ABCC1: variants seen among roughly 807,000 people sequenced by gnomAD.
The protein encoded by ABCC1 is multidrug resistance-associated protein 1.
ABCC1 carries 83 observed loss-of-function variants against 172.9 expected under a neutral mutation model. That is an observed-to-expected ratio of 0.48 (90% CI 0.40 to 0.58). The LOEUF (loss-of-function observed/expected upper bound fraction) is 0.58, where lower values mean the gene tolerates loss of function less well. ABCC1 is among the 20% of genes least tolerant of loss of function. The probability of loss-of-function intolerance (pLI) is 0.00; values close to 1 mark genes in which losing one functional copy is unlikely to be tolerated. For missense variants in ABCC1, 1,817 were observed against 2,002.7 expected (o/e 0.91, Z 1.77); for synonymous variants, 937 against 825.2 (o/e 1.14, Z -2.32).
intron 14 of ABCC1, among the ~76,000 whole-genome samples, chr16:16,075,054 C>T (rs1055590151): frequency 1.9e-4 from 28 of 150,876 alleles, no homozygotes; most frequent in South Asian, 6.3e-4. Flanking sequence ...AAGCGATTCT[C>T]ATGTCTCAGA....
intron 21 of ABCC1, 37 bp from the exon 22 acceptor site, chr16:16,111,338 G>T: frequency 6.3e-7 from 1 of 1,588,288 alleles, no homozygotes; most frequent in Non-Finnish European, 8.6e-7. Context: ...CTGGGTGCGT[G>T]CATGTGCTAA....
At chr16:16,095,217 G>C (rs1431365044) in intron 19 of ABCC1, 1 of 152,242 alleles carries the variant, frequency 6.6e-6, no homozygotes, top group Non-Finnish European at 1.5e-5. Flanking sequence ...CATTTTCACA[G>C]ATTGCCTCAA....
At chr16:15,980,273 G>C (rs1172965586) in intron 1 of ABCC1, among the ~76,000 whole-genome samples, 6 of 152,134 alleles carry the variant, frequency 3.9e-5, no homozygotes, top group Non-Finnish European at 8.8e-5. Context: ...GAGAGGCCAA[G>C]GTGGGAAGAT....
intron 1 of ABCC1, among the ~76,000 whole-genome samples, chr16:15,999,770 T>TCG (rs1491365853): frequency 1.5e-4 from 2 of 13,668 alleles, no homozygotes; most frequent in Non-Finnish European, 2.3e-4. Context: ...CCGGCCTCTT[T>TCG]CTCTCTCTCT....
intron 1 of ABCC1, among the ~76,000 whole-genome samples, chr16:15,957,454 A>G (rs1263517150): frequency 1.3e-5 from 2 of 152,070 alleles, no homozygotes; most frequent in Non-Finnish European, 2.9e-5. Context: ...CCCAGGACTC[A>G]GTGTCTCACA....
intron 1 of ABCC1, among the ~76,000 whole-genome samples, chr16:15,978,739 T>A (rs1304107810): frequency 6.6e-6 from 1 of 152,106 alleles, no homozygotes; most frequent in Admixed American, 6.6e-5. Flanking sequence ...GAAAAAAATA[T>A]TAAGGCAGTG....
At chr16:16,080,990 G>A (rs2050785119) in intron 16 of ABCC1, among the ~76,000 whole-genome samples, 2 of 152,060 alleles carry the variant, frequency 1.3e-5, no homozygotes, top group Non-Finnish European at 2.9e-5. Context: ...TCAGCCTCTT[G>A]AGTAGCTGGG....
At chr16:15,996,842 G>A (rs1159071069) in intron 1 of ABCC1, among the ~76,000 whole-genome samples, 1 of 152,176 alleles carries the variant, frequency 6.6e-6, no homozygotes, top group Non-Finnish European at 1.5e-5. Context: ...CCAGGATCTT[G>A]TATGGGAAGA....
In ABCC1 at chr16:15,961,276, G is replaced by A. The variant is rs551307241; in HGVS notation, c.48+11477G>A. Among the ~76,000 whole-genome samples the A allele has an allele frequency of 9.8e-4, 149 of 152,214 alleles. 1 individual carries two copies. Among genetic ancestry groups the A allele is most frequent in the Non-Finnish European group, 1.4e-3 (92 of 68,012 alleles). On this transcript the variant is annotated intron_variant, in intron 1 of 30. Transcript: ENST00000399410. Reference sequence around the variant, plus strand: ...ACTCCCCAGTTGCCTTTGATTCTCCGCCAAAGGCTTGTTCGTAAGATGATG... The same window carrying A: ...ACTCCCCAGTTGCCTTTGATTCTCCACCAAAGGCTTGTTCGTAAGATGATG...
At chr16:16,001,742 A>G (rs1342237029) in intron 1 of ABCC1, among the ~76,000 whole-genome samples, 1 of 152,218 alleles carries the variant, frequency 6.6e-6, no homozygotes, top group Non-Finnish European at 1.5e-5. Flanking sequence ...CAGAGGTCGG[A>G]AACTTGTTAT....
At chr16:15,955,951 T>A (rs1157427034) in intron 1 of ABCC1, among the ~76,000 whole-genome samples, 2 of 152,118 alleles carry the variant, frequency 1.3e-5, no homozygotes, top group African/African-American at 4.8e-5. Context: ...ATGCCCCATG[T>A]AGTTGAAAAT....
At chr16:16,124,400 T>TGGGTGG (rs1555502643) in intron 24 of ABCC1, among the ~76,000 whole-genome samples, 8 of 130,396 alleles carry the variant, frequency 6.1e-5, no homozygotes, top group Admixed American at 1.5e-4. Context: ...TGTGTGTGTG[T>TGGGTGG]GTGTGTGTGT....
intron 12 of ABCC1, among the ~76,000 whole-genome samples, chr16:16,057,451 A>T (rs2049711267): frequency 6.6e-6 from 1 of 151,408 alleles, no homozygotes; most frequent in Admixed American, 6.6e-5. Context: ...CCAGATGGGC[A>T]TTTTTGTCGT....
intron 19 of ABCC1, among the ~76,000 whole-genome samples, chr16:16,099,235 A>G (rs1025250511): frequency 3.9e-5 from 6 of 152,236 alleles, no homozygotes; most frequent in East Asian, 1.9e-4. Context: ...TGGATGGACA[A>G]TAAATGGCAA....
chr16:16,079,419 T>A lies in ABCC1; in HGVS notation c.2056T>A (p.Ser686Thr). ...GGGCCAGGTGGGCTGCGGAAAGTCG[T>A]CCCTGCTCTCAGCCCTCTTGGCTGA... is the stretch of plus-strand genomic sequence containing the variant. ...VVGQVGCGKSSLLSALLAEMD... is the reference protein window; with the variant it reads ...VVGQVGCGKSTLLSALLAEMD... The change falls in exon 16 of 31, where the codon TCC becomes ACC. Residue 686 changes from serine to threonine, a missense_variant. Transcript: ENST00000399410. 1.9e-6 allele frequency: 3 copies of A among 1,613,986 alleles called. No individual in the cohort carries two copies. The highest frequency in any genetic ancestry group is 2.5e-6 in the Non-Finnish European group (3 of 1,179,914).
intron 19 of ABCC1, among the ~76,000 whole-genome samples, chr16:16,100,102 A>T (rs1449872237): frequency 6.6e-6 from 1 of 152,126 alleles, no homozygotes; most frequent in African/African-American, 2.4e-5. Flanking sequence ...GGAAAAAAAA[A>T]AATGCTGAGA....
chr16:16,092,218 ACAGAG>A (rs762314124), intron 19 of ABCC1, among the ~76,000 whole-genome samples: 14 of 152,254 alleles, frequency 9.2e-5, no homozygotes, highest in Non-Finnish European at 1.9e-4. Flanking sequence ...AGCTTGGGCA[ACAGAG>A]CAAGACTTCG....
intron 21 of ABCC1, among the ~76,000 whole-genome samples, chr16:16,108,307 T>G (rs2052230261): frequency 7.7e-6 from 1 of 130,460 alleles, no homozygotes; most frequent in Non-Finnish European, 1.6e-5. Flanking sequence ...TGAGACGAAG[T>G]CCTGCTGTGT....
At chr16:16,129,480 C>T (rs1200029909) in intron 26 of ABCC1, among the ~76,000 whole-genome samples, 1 of 151,568 alleles carries the variant, frequency 6.6e-6, no homozygotes, top group African/African-American at 2.4e-5. Context: ...GAGACATCGT[C>T]TCTACAAAAT....
Sources: gnomAD v4.1 joint callset for allele counts (sites outside exome capture counted in the v4.1 genomes callset) on GRCh38, gnomAD v4.1.1 for gene constraint, MANE v1.5 for transcripts, NCBI Gene and HGNC (gene_info 2026-07-23, HGNC 2026-07-21) for gene names.